MYO9B: variants seen among roughly 807,000 people sequenced by gnomAD.
The protein encoded by MYO9B is myosin IXB, also known as unconventional myosin-IXb.
In MYO9B, 71 loss-of-function variants were observed where a neutral mutation model predicts 229.5. That is an observed-to-expected ratio of 0.31 (90% CI 0.26 to 0.38). The LOEUF (loss-of-function observed/expected upper bound fraction) is 0.38. MYO9B is among the 10% of genes least tolerant of loss of function. MYO9B has a pLI of 1.00. For missense variants in MYO9B, 2,255 were observed against 2,920.5 expected (o/e 0.77, Z 5.25); for synonymous variants, 1,185 against 1,235.8 (o/e 0.96, Z 0.86).
intron 2 of MYO9B, among the ~76,000 whole-genome samples, chr19:17,130,389 G>A (rs2072179861): frequency 6.6e-6 from 1 of 152,178 alleles, no homozygotes; most frequent in African/African-American, 2.4e-5. Context: ...GGCCGAGGCA[G>A]GCGGATCACG....
At position 17,162,572 on chromosome 19, in the gene MYO9B, A is replaced by G. The variant is rs2072615627; in HGVS notation, c.1536+106A>G. 6.3e-6 allele frequency: 6 copies of G among 952,812 alleles called. No homozygotes were observed. In the East Asian group the frequency reaches 1.6e-4, roughly 25 times the overall value. The allele number at this position is 952,812 out of a possible 1,614,324, so 59.0% of individuals were successfully genotyped here. ...GAACATCCGGAGCCGAGGCATCTGCAATCAAGAGGCTGTTTCCCCACAAGG... is the reference window on the plus strand; with the variant it reads ...GAACATCCGGAGCCGAGGCATCTGCGATCAAGAGGCTGTTTCCCCACAAGG... On this transcript the variant is annotated intron_variant, in intron 9 of 39. Transcript: ENST00000682292.
chr19:17,188,577 C>A (rs920334117), intron 19 of MYO9B, among the ~76,000 whole-genome samples: 5 of 152,144 alleles, frequency 3.3e-5, no homozygotes, highest in African/African-American at 1.2e-4. Flanking sequence ...ATGTAATGTG[C>A]CTCTTTTCTC....
intron 18 of MYO9B, 119 bp downstream of exon 18, chr19:17,186,120 C>A: frequency 2.4e-6 from 2 of 823,730 alleles, no homozygotes; most frequent in Admixed American, 2.3e-5. Flanking sequence ...GCAGTCCATC[C>A]AGAGGCAGCC....
Position 17,182,227 on chromosome 19 carries a change from G to C in MYO9B, c.2333+1187G>C, listed in dbSNP as rs564756364. 2.0e-5 allele frequency among the ~76,000 whole-genome samples: 3 copies of C among 152,066 alleles called. No homozygotes were observed. The South Asian group carries it at 6.2e-4, about 32-fold the overall frequency. On this transcript the variant is annotated intron_variant, in intron 15 of 39. Coordinates refer to ENST00000682292, the MANE Select transcript of MYO9B (RefSeq NM_004145.4). The stretch of plus-strand genomic sequence containing the variant: ...CCAGAGTAGCTGGAACTACAGGTGC[G>C]CATTACCACACCTGTCTAATTTTAT...
At chr19:17,082,313 G>A (rs750516517) in intron 1 of MYO9B, among the ~76,000 whole-genome samples, 40 of 152,156 alleles carry the variant, frequency 2.6e-4, no homozygotes, top group Non-Finnish European at 4.7e-4. Context: ...CTGGGGACTC[G>A]CTTATGGGGG....
At position 17,185,926 on chromosome 19, in the gene MYO9B, C is replaced by T. The variant is rs1010188367; in HGVS notation, c.2502C>T (p.Ser834=). The change falls in exon 18 of 40, where the codon TCC becomes TCT. Residue 834 remains serine, a synonymous_variant. Coordinates refer to ENST00000682292, the MANE Select transcript of MYO9B (RefSeq NM_004145.4). ...CTTTCTCTTTCCCTTAACAGACATC[C>T]CTTAACAAGCTCTTGGAGGCACTGG... ...PPSISAQFQT[S]LNKLLEALGK... is the part of the protein sequence containing the mutation. 23 of 1,613,660 alleles carry T rather than the reference C, an allele frequency of 1.4e-5. No individual in the cohort carries two copies. The highest frequency in any genetic ancestry group is 1.9e-5 in the Non-Finnish European group (22 of 1,179,596).
In MYO9B at chr19:17,212,017, C is replaced by T. The variant is rs1040883560; in HGVS notation, c.6181C>T (p.Arg2061Trp). Residue 2061 changes from arginine (R) to tryptophan (W), a missense_variant, in exon 40 of 40, where the codon CGG becomes TGG. Arg to Trp is a moderately radical substitution (Grantham distance 101). Around this residue, in one of 7 missense-constraint regions of MYO9B, gnomAD observed 331 missense variants for 332.5 expected, o/e 1.00. Transcript: ENST00000682292. The surrounding 1 kb of genome is among the most constrained non-coding windows in gnomAD (Gnocchi z 5.4). ...FVTVRVKTPR[R>W]TPIMPTANIK... ...AACGGTCAGAGTGAAGACCCCCCGG[C>T]GGACCCCCATCATGCCCACGGCCAA... is the stretch of plus-strand genomic sequence containing the variant. 1.6e-5 allele frequency: 26 copies of T among 1,608,718 alleles called. No homozygotes were observed. Among genetic ancestry groups the T allele is most frequent in the Middle Eastern group, 1.7e-4 (1 of 6,020 alleles).
intron 3 of MYO9B, among the ~76,000 whole-genome samples, chr19:17,150,183 G>A (rs1230450463): frequency 6.6e-6 from 1 of 152,194 alleles, no homozygotes; most frequent in Non-Finnish European, 1.5e-5. Flanking sequence ...GAGTGATGCG[G>A]TGGATCACCT....
intron 2 of MYO9B, among the ~76,000 whole-genome samples, chr19:17,114,955 C>T (rs567322222): frequency 5.7e-5 from 8 of 141,448 alleles, no homozygotes; most frequent in Non-Finnish European, 7.6e-5. Context: ...TAAAACACTT[C>T]GTCTTTTTAG....
intron 3 of MYO9B, among the ~76,000 whole-genome samples, chr19:17,152,182 A>T (rs1351886269): frequency 9.0e-6 from 1 of 111,356 alleles, no homozygotes; most frequent in Non-Finnish European, 2.0e-5. Context: ...GTAAGACTCC[A>T]TCACAAAAAA....
intron 15 of MYO9B, among the ~76,000 whole-genome samples, chr19:17,183,353 C>G (rs967731704): frequency 2.6e-5 from 4 of 152,188 alleles, no homozygotes; most frequent in Non-Finnish European, 5.9e-5. Context: ...TGTGGGCCTG[C>G]TTGGCATCTA....
At chr19:17,180,674 A>G in intron 14 of MYO9B, 2 of 402,836 alleles carry the variant, frequency 5.0e-6, no homozygotes, top group East Asian at 8.8e-5. Flanking sequence ...GAAAAGGATC[A>G]ATGATCTGTG....
chr19:17,194,480 G>A, intron 21 of MYO9B, 76 bp from the exon 22 acceptor site: 1 of 1,506,736 alleles, frequency 6.6e-7, no homozygotes, highest in Non-Finnish European at 9.0e-7. Context: ...GCAGGCTGGG[G>A]GTCCCATCGG....
chr19:17,165,370 AAATT>A (rs1209540149), intron 10 of MYO9B, among the ~76,000 whole-genome samples: 4 of 151,906 alleles, frequency 2.6e-5, no homozygotes, highest in Admixed American at 6.6e-5. Context: ...AAAAAAAAAA[AAATT>A]AATTAATTTC....
rs2073205526 is a variant in MYO9B, at chr19:17,209,817, C to T, written c.5748+108C>T. On this transcript the variant is annotated intron_variant, in intron 36 of 39. Coordinates refer to ENST00000682292, the MANE Select transcript of MYO9B (RefSeq NM_004145.4). ...TGCTGGGAAGGCTGGTGAGTGGGGT[C>T]TTGGTGGGCGGGGCCTTGGGTGGGC... The T allele has an allele frequency of 9.4e-6, 8 of 846,808 alleles. No individual in the cohort carries two copies. In the East Asian group the frequency reaches 2.4e-4, roughly 25 times the overall value. The allele number at this position is 846,808 out of a possible 1,614,324, so 52.5% of individuals were successfully genotyped here.
intron 1 of MYO9B, among the ~76,000 whole-genome samples, chr19:17,082,227 G>A (rs2057540019): frequency 1.3e-5 from 2 of 152,182 alleles, no homozygotes. Context: ...CACGAGCATG[G>A]AAGTCAAATT....
Position 17,172,270 on chromosome 19 carries a change from A to T in MYO9B, c.1794-66A>T, listed in dbSNP as rs2072733160. ...ACCTCGTGCACCAGGGGTCTGCAAG[A>T]TAAAATACACAGCAGGTAAATCAGC... On this transcript the variant is annotated intron_variant, in intron 11 of 39. Transcript: ENST00000682292. This position sits in a 1 kb window ranked among gnomAD's most constrained non-coding sequence, Gnocchi z 8.2. 2.5e-6 allele frequency: 4 copies of T among 1,590,888 alleles called. No individual in the cohort carries two copies. The highest frequency in any genetic ancestry group is 3.4e-6 in the Non-Finnish European group (4 of 1,166,806).
chr19:17,194,846 A>G lies in MYO9B; in HGVS notation c.3419A>G (p.Lys1140Arg). The change falls in exon 22 of 40, where the codon AAA becomes AGA. Residue 1140 changes from lysine to arginine, a missense_variant. Coordinates refer to ENST00000682292, the MANE Select transcript of MYO9B (RefSeq NM_004145.4). ...QKTVAAESHE[K>R]VPSSREKRES... Reference sequence around the variant, plus strand: ...ACCGTGGCGGCTGAAAGTCACGAGAAAGTCCCCAGCAGCCGGGAGAAGCGT... The same window carrying G: ...ACCGTGGCGGCTGAAAGTCACGAGAGAGTCCCCAGCAGCCGGGAGAAGCGT... 6.2e-7 allele frequency: 1 copy of G among 1,613,308 alleles called. No homozygotes were observed. Among genetic ancestry groups the G allele is most frequent in the Non-Finnish European group, 8.5e-7 (1 of 1,179,884 alleles).
chr19:17,152,526 G>A (rs1164079217), intron 3 of MYO9B, 118 bp from the exon 4 acceptor site: 27 of 745,972 alleles, frequency 3.6e-5, no homozygotes, highest in Non-Finnish European at 5.2e-5. Context: ...TTGTGCCGTT[G>A]TACTCCAGCC....
Sources: allele counts gnomAD v4.1 joint callset (sites outside exome capture counted in the v4.1 genomes callset), GRCh38; gene constraint gnomAD v4.1.1; regional missense constraint gnomAD v4.1.1; non-coding constraint Gnocchi (gnomAD v3.1); transcripts MANE v1.5; gene names NCBI Gene and HGNC (gene_info 2026-07-23, HGNC 2026-07-21).